GFI1: variants seen among roughly 807,000 people sequenced by gnomAD.
GFI1 encodes zinc finger protein Gfi-1.
In GFI1, 15 loss-of-function variants were observed where a neutral mutation model predicts 39.2. The ratio of observed to expected loss-of-function variants is 0.38; its 90% CI spans 0.26 to 0.59. The LOEUF (loss-of-function observed/expected upper bound fraction) is 0.59, where lower values mean the gene tolerates loss of function less well. Ranked by LOEUF, GFI1 falls within the 20% of genes least tolerant of loss-of-function variation. The pLI is 0.62. For synonymous variants in GFI1, 239 were observed against 254.3 expected, an observed-to-expected ratio of 0.94 and a Z score of 0.57; for missense variants, 475 against 574.0, an observed-to-expected ratio of 0.83 and a Z score of 1.76.
rs1432588544 is a variant in GFI1 at position 92,482,669 on chromosome 1, C to T, written c.298+195G>A. Among the ~76,000 whole-genome samples, 1 of 152,250 alleles carries T rather than the reference C, an allele frequency of 6.6e-6. No homozygotes were observed. Among genetic ancestry groups the T allele is most frequent in the African/African-American group, 2.4e-5 (1 of 41,468 alleles). ...AGGGTCCTGCCGCCTGGGATGGAGG[C>T]AGCAGCCCCAGCGGGCAAGCTGTCC... On this transcript the variant is annotated intron_variant, in intron 3 of 6. Coordinates refer to ENST00000294702, the MANE Select transcript of GFI1 (RefSeq NM_005263.5). This position sits in a 1 kb window ranked among gnomAD's most constrained non-coding sequence, Gnocchi z 4.4.
chr1:92,483,716 C>A, intron 1 of GFI1, 130 bp from the exon 2 acceptor site: 1 of 559,332 alleles, frequency 1.8e-6, no homozygotes. Context: ...GGGGCTTGAC[C>A]CTGCTGCGCC....
rs775251448 is a variant in GFI1, at chr1:92,476,073, C to T, written c.1225G>A (p.Val409Met). Residue 409 changes from valine (V) to methionine (M), a missense_variant, in exon 7 of 7, where the codon GTG becomes ATG. Coordinates refer to ENST00000294702, the MANE Select transcript of GFI1 (RefSeq NM_005263.5). ...GTCTCCCGGTGCCTTCGGAGGTCCA[C>T]CTTCCTCTGGAAACCCTTCCCACAG... ...DLCGKGFQRK[V>M]DLRRHRETQH... is the part of the protein sequence containing the mutation. 3 of 1,614,030 alleles carry T rather than the reference C, an allele frequency of 1.9e-6. No individual in the cohort carries two copies. The highest frequency in any genetic ancestry group is 2.7e-5 in the African/African-American group (2 of 74,948).
At chr1:92,485,380 A>C (rs4565725) in intron 1 of GFI1, among the ~76,000 whole-genome samples, 1 of 152,132 alleles carries the variant, frequency 6.6e-6, no homozygotes, top group Non-Finnish European at 1.5e-5. Flanking sequence ...GCTTGGACCC[A>C]CGTTGGCTGG....
At chr1:92,486,577 G>A (rs1658537018) in intron 1 of GFI1, 149 bp downstream of exon 1, 1 of 146,616 alleles carries the variant, frequency 6.8e-6, no homozygotes. Flanking sequence ...CCCCGGGTCG[G>A]GACCGTGAAT....
At chr1:92,485,526 G>C (rs1658488910) in intron 1 of GFI1, among the ~76,000 whole-genome samples, 1 of 152,154 alleles carries the variant, frequency 6.6e-6, no homozygotes, top group Non-Finnish European at 1.5e-5. Flanking sequence ...ACCCCGGCCC[G>C]CTTTGCTGGT....
In GFI1 at chr1:92,482,627, C is replaced by T. The variant is rs1447090697; in HGVS notation, c.298+237G>A. Among the ~76,000 whole-genome samples, 2 of 152,250 alleles carry T rather than the reference C, an allele frequency of 1.3e-5. No individual in the cohort carries two copies. The highest frequency in any genetic ancestry group is 2.9e-5 in the Non-Finnish European group (2 of 68,048). Reference sequence around the variant, plus strand: ...ACTGGCCAGCTCCGCGCAAACGAATCTAAGCGACAAGCAGCTAGGGTCCTG... The same window carrying T: ...ACTGGCCAGCTCCGCGCAAACGAATTTAAGCGACAAGCAGCTAGGGTCCTG... On this transcript the variant is annotated intron_variant, in intron 3 of 6. Coordinates refer to ENST00000294702, the MANE Select transcript of GFI1 (RefSeq NM_005263.5). The surrounding 1 kb of genome is among the most constrained non-coding windows in gnomAD (Gnocchi z 4.4).
Position 92,473,747 on chromosome 1 carries a change from C to T in GFI1, c.*2282G>A, listed in dbSNP as rs1657829057. ...TCTCTTCCCTTTGTGCTGTAGAGAG[C>T]AGAGCCAGGCCCTAGGATGAAGCAG... is the stretch of plus-strand genomic sequence containing the variant. On this transcript the variant is annotated 3_prime_UTR_variant, in exon 7 of 7. Coordinates refer to ENST00000294702, the MANE Select transcript of GFI1 (RefSeq NM_005263.5). Among the ~76,000 whole-genome samples the T allele has an allele frequency of 6.6e-6, 1 of 152,164 alleles. No homozygotes were observed. The highest frequency in any genetic ancestry group is 2.4e-5 in the African/African-American group (1 of 41,430).
Position 92,476,195 on chromosome 1 carries a change from T to A in GFI1, c.1103A>T (p.His368Leu). The A allele has an allele frequency of 3.7e-6, 6 of 1,613,040 alleles. No individual in the cohort carries two copies. The highest frequency in any genetic ancestry group is 4.2e-6 in the Non-Finnish European group (5 of 1,179,594). Residue 368 changes from histidine to leucine, a missense_variant, in exon 7 of 7, where the codon CAC (histidine) becomes CTC (leucine). By Grantham distance (99) the His-to-Leu change is moderately conservative. Around this residue, in one of 4 missense-constraint regions of GFI1, gnomAD observed 112 missense variants for 202.8 expected, o/e 0.55. Coordinates refer to ENST00000294702, the MANE Select transcript of GFI1 (RefSeq NM_005263.5). ...HTFIHTGEKP[H>L]KCQVCGKAFS... is the part of the protein sequence containing the mutation. ...TGCCTTGCCGCACACCTGGCACTTG[T>A]GAGGCTTCTCACCTGTGGGGATGGG...
chr1:92,485,543 G>T (rs1658489179), intron 1 of GFI1, among the ~76,000 whole-genome samples: 1 of 152,130 alleles, frequency 6.6e-6, no homozygotes, highest in South Asian at 2.1e-4. Context: ...TGGTTCCTGT[G>T]GGGAGCGACA....
intron 6 of GFI1, among the ~76,000 whole-genome samples, chr1:92,477,298 T>C (rs1279270797): frequency 6.6e-6 from 1 of 152,194 alleles, no homozygotes. Flanking sequence ...TAGTTGCATT[T>C]TGATAAGTGT....
chr1:92,476,219 G>A lies in GFI1; in HGVS notation c.1091-12C>T, dbSNP rs768457250. ...GTGAGGCTTCTCACCTGTGGGGATG[G>A]GAGGGGGAGGGGAGAAAGTATGAGT... On this transcript the variant is annotated splice_polypyrimidine_tract_variant and intron_variant, in intron 6 of 6. Transcript: ENST00000294702. 3 of 1,607,432 alleles carry A rather than the reference G, an allele frequency of 1.9e-6. No individual in the cohort carries two copies.
Position 92,480,888 on chromosome 1 carries a change from G to C in GFI1, c.499C>G (p.Leu167Val). Residue 167 changes from leucine (L) to valine (V), a missense_variant, in exon 4 of 7, where the codon CTG (leucine) becomes GTG (valine). Transcript: ENST00000294702. This position sits in a 1 kb window ranked among gnomAD's most constrained non-coding sequence, Gnocchi z 5.6. ...CCGGCAGCCCGCTTCGGGCCGTACA[G>C]CGCGGCCGGGTGGCCAGGCTCCGGG... ...PAPEPGHPAA[L>V]YGPKRAAGGA... is the part of the protein sequence containing the mutation. 1.2e-5 allele frequency: 18 copies of C among 1,538,076 alleles called. No individual in the cohort carries two copies. The highest frequency in any genetic ancestry group is 1.6e-5 in the Non-Finnish European group (18 of 1,140,984).
At position 92,480,641 on chromosome 1, in the gene GFI1, A is replaced by C; in HGVS notation, c.746T>G (p.Leu249Arg). 1 of 1,588,162 alleles carries C rather than the reference A, an allele frequency of 6.3e-7. No individual in the cohort carries two copies. Among genetic ancestry groups the C allele is most frequent in the Non-Finnish European group, 8.5e-7 (1 of 1,173,600 alleles). The change falls in exon 4 of 7, where the codon CTG (leucine) becomes CGG (arginine). Residue 249 changes from leucine (L) to arginine (R), a missense_variant. Physicochemically the swap from Leu to Arg is moderately radical, Grantham distance 102. Coordinates refer to ENST00000294702, the MANE Select transcript of GFI1 (RefSeq NM_005263.5). The surrounding 1 kb of genome is among the most constrained non-coding windows in gnomAD (Gnocchi z 5.6). ...GCACTTGTAGGAGCCGCCGCCCAGC[A>C]GCAGGCGGGTGCACAGCAGCTCCGA... ...VESELLCTRL[L>R]LGGGSYKCIK... is the part of the protein sequence containing the mutation.
At position 92,481,129 on chromosome 1, in the gene GFI1, G is replaced by A. The variant is rs200461550; in HGVS notation, c.299-41C>T. 1.9e-6 allele frequency: 3 copies of A among 1,565,930 alleles called. No homozygotes were observed. The highest frequency in any genetic ancestry group is 2.7e-5 in the African/African-American group (2 of 73,826). On this transcript the variant is annotated intron_variant, in intron 3 of 6. Transcript: ENST00000294702. This position sits in a 1 kb window ranked among gnomAD's most constrained non-coding sequence, Gnocchi z 4.3. ...GGGAGCGTCCGGTCAGGCTTCAGAC[G>A]GCAGAGCGGAGGCCGCCGGGCTGCG...
intron 6 of GFI1, among the ~76,000 whole-genome samples, chr1:92,476,874 ATACTT>A (rs757242541): frequency 1.3e-5 from 2 of 152,150 alleles, no homozygotes; most frequent in Non-Finnish European, 2.9e-5. Flanking sequence ...AAGGCAGCTG[ATACTT>A]TACTGTCTTG....
rs1557673643 is a variant in GFI1, at chr1:92,484,888, T to G, written c.-99-1302A>C. On this transcript the variant is annotated intron_variant, in intron 1 of 6. Coordinates refer to ENST00000294702, the MANE Select transcript of GFI1 (RefSeq NM_005263.5). This position sits in a 1 kb window ranked among gnomAD's most constrained non-coding sequence, Gnocchi z 4.1. ...TCAGAAACGAGGGTGCTGGGAACTC[T>G]GGGCCGGGGCAGGACCTGCAGTCCT... 6.6e-6 allele frequency among the ~76,000 whole-genome samples: 1 copy of G among 152,194 alleles called. No individual in the cohort carries two copies. The highest frequency in any genetic ancestry group is 2.4e-5 in the African/African-American group (1 of 41,446).
intron 6 of GFI1, among the ~76,000 whole-genome samples, chr1:92,477,529 T>A (rs1422067783): frequency 6.6e-6 from 1 of 152,248 alleles, no homozygotes; most frequent in Admixed American, 6.5e-5. Flanking sequence ...CTCATGTAAA[T>A]GTCTTTTGAC....
In GFI1 at chr1:92,481,533, C is replaced by A. The variant is rs1211356428; in HGVS notation, c.299-445G>T. ...GTCCAGCCACCAGCGCAGGCACTCTCCCAGCCCCTACATGTTCCCATTCAA... is the reference window on the plus strand; with the variant it reads ...GTCCAGCCACCAGCGCAGGCACTCTACCAGCCCCTACATGTTCCCATTCAA... On this transcript the variant is annotated intron_variant, in intron 3 of 6. Transcript: ENST00000294702. The surrounding 1 kb of genome is among the most constrained non-coding windows in gnomAD (Gnocchi z 4.3). Among the ~76,000 whole-genome samples, 1 of 152,232 alleles carries A rather than the reference C, an allele frequency of 6.6e-6. No homozygotes were observed. The highest frequency in any genetic ancestry group is 1.5e-5 in the Non-Finnish European group (1 of 68,042).
chr1:92,479,709 G>A (rs1300212175), intron 5 of GFI1, among the ~76,000 whole-genome samples: 1 of 152,076 alleles, frequency 6.6e-6, no homozygotes, highest in Non-Finnish European at 1.5e-5. Context: ...AAAATTAGCT[G>A]TGCTGTAGTG....
Sources: allele counts gnomAD v4.1 joint callset (sites outside exome capture counted in the v4.1 genomes callset), GRCh38; gene constraint gnomAD v4.1.1; regional missense constraint gnomAD v4.1.1; non-coding constraint Gnocchi (gnomAD v3.1); transcripts MANE v1.5; gene names NCBI Gene and HGNC (gene_info 2026-07-23, HGNC 2026-07-21).